PPARGC1B: variants seen among roughly 807,000 people sequenced by gnomAD.
PPARGC1B encodes the protein PPARG coactivator 1 beta.
PPARGC1B carries 34 observed loss-of-function variants against 101.6 expected under a neutral mutation model. The ratio of observed to expected loss-of-function variants is 0.33; its 90% CI spans 0.25 to 0.45. PPARGC1B has a LOEUF of 0.45. Among genes scored for constraint, PPARGC1B ranks in the 20% least tolerant of loss-of-function variants. PPARGC1B has a pLI of 1.00. For missense variants in PPARGC1B, 1,234 were observed against 1,317.6 expected (o/e 0.94, Z 0.98); for synonymous variants, 548 against 539.3 (o/e 1.02, Z -0.22).
chr5:149,830,691 G>A (rs1355156878), intron 3 of PPARGC1B, 76 bp from the exon 4 acceptor site: 3 of 1,081,696 alleles, frequency 2.8e-6, no homozygotes, highest in Non-Finnish European at 4.3e-6. Flanking sequence ...GGTCAGTCCT[G>A]AGGGGCTGGC....
chr5:149,761,202 A>C (rs1166155494), intron 1 of PPARGC1B, among the ~76,000 whole-genome samples: 1 of 152,220 alleles, frequency 6.6e-6, no homozygotes, highest in African/African-American at 2.4e-5. Context: ...CAATCAAGCT[A>C]ATTAACATAT....
chr5:149,847,308 C>T, intron 11 of PPARGC1B, 150 bp from the exon 12 acceptor site: 1 of 772,716 alleles, frequency 1.3e-6, no homozygotes, highest in Non-Finnish European at 2.4e-6. Context: ...AGGCAGTGCC[C>T]ACAGTCCAGC....
intron 1 of PPARGC1B, among the ~76,000 whole-genome samples, chr5:149,749,184 A>G (rs572138673): frequency 6.6e-6 from 1 of 152,334 alleles, no homozygotes; most frequent in Non-Finnish European, 1.5e-5. Context: ...TTAATGATGC[A>G]GATGATACTT....
At chr5:149,789,013 G>A (rs956419375) in intron 1 of PPARGC1B, among the ~76,000 whole-genome samples, 2 of 152,124 alleles carry the variant, frequency 1.3e-5, no homozygotes, top group Non-Finnish European at 2.9e-5. Flanking sequence ...CACCAACATG[G>A]CACATGTATA....
Position 149,847,520 on chromosome 5 carries a change from G to A in PPARGC1B, c.3034G>A (p.Asp1012Asn). Residue 1012 changes from aspartate (D) to asparagine (N), a missense_variant, in exon 12 of 12, where the codon GAC becomes AAC. Asp to Asn is a conservative substitution (Grantham distance 23). Transcript: ENST00000309241. ...AAGCAAGTATGAAGCCATGGATTTT[G>A]ACAGCTTACTGAAAGAGGCCCAGCA... ...GKSKYEAMDFDSLLKEAQQSL... is the reference protein window; with the variant it reads ...GKSKYEAMDFNSLLKEAQQSL... The A allele has an allele frequency of 6.2e-7, 1 of 1,614,166 alleles. No individual in the cohort carries two copies. Among genetic ancestry groups the A allele is most frequent in the South Asian group, 1.1e-5 (1 of 91,080 alleles).
intron 1 of PPARGC1B, among the ~76,000 whole-genome samples, chr5:149,796,240 A>C (rs1416343315): frequency 6.6e-6 from 1 of 152,134 alleles, no homozygotes; most frequent in African/African-American, 2.4e-5. Flanking sequence ...CTGTTGGAGG[A>C]GGTGACATTT....
At chr5:149,817,029 TCC>T (rs1196134882) in intron 1 of PPARGC1B, among the ~76,000 whole-genome samples, 1 of 152,090 alleles carries the variant, frequency 6.6e-6, no homozygotes, top group Non-Finnish European at 1.5e-5. Context: ...ATTTCCTCCA[TCC>T]CCCACCCCTG....
chr5:149,762,538 A>G (rs988191706), intron 1 of PPARGC1B, among the ~76,000 whole-genome samples: 2 of 152,140 alleles, frequency 1.3e-5, no homozygotes, highest in African/African-American at 4.8e-5. Context: ...CTCTCAGTGA[A>G]TCTATCTTGT....
At chr5:149,835,206 T>C (rs956644707) in intron 6 of PPARGC1B, 95 bp from the exon 7 acceptor site, 18 of 1,118,882 alleles carry the variant, frequency 1.6e-5, no homozygotes, top group Non-Finnish European at 2.2e-5. Context: ...AACCAGGGCC[T>C]GTCACAGCAC....
chr5:149,795,659 G>A (rs1345106637), intron 1 of PPARGC1B, among the ~76,000 whole-genome samples: 3 of 152,152 alleles, frequency 2.0e-5, no homozygotes, highest in Non-Finnish European at 4.4e-5. Flanking sequence ...GCAGGAGGGC[G>A]GCAGCTTCTG....
At position 149,842,318 on chromosome 5, in the gene PPARGC1B, G is replaced by T. The variant is rs772948298; in HGVS notation, c.2757G>T (p.Lys919Asn). The T allele has an allele frequency of 6.2e-7, 1 of 1,614,232 alleles. No individual in the cohort carries two copies. The highest frequency in any genetic ancestry group is 8.5e-7 in the Non-Finnish European group (1 of 1,180,044). Residue 919 changes from lysine (K) to asparagine (N), a missense_variant, in exon 10 of 12, where the codon AAG (lysine) becomes AAT (asparagine). By Grantham distance (94) the Lys-to-Asn change is moderately conservative. This residue lies in a region of PPARGC1B where 497 missense variants were observed against 529.5 expected (regional missense o/e 0.94). Transcript: ENST00000309241. ...LSSDMSSREL[K>N]RRFEVFGEIE... ...GCGACATGAGCTCCCGAGAGCTGAA[G>T]AGGCGCTTTGAAGTGTTTGGTGAGA...
At chr5:149,732,522 T>C (rs963390884) in intron 1 of PPARGC1B, among the ~76,000 whole-genome samples, 1 of 152,244 alleles carries the variant, frequency 6.6e-6, no homozygotes, top group African/African-American at 2.4e-5. Flanking sequence ...CTAAGGAAAC[T>C]AGAAAATTGA....
rs1759668874 is a variant in PPARGC1B, at chr5:149,848,746, C to G, written c.*1188C>G. The stretch of plus-strand genomic sequence containing the variant: ...GCGGTACAGACAGGTGGTCTGGGAG[C>G]AGTCATCTTTTTTGGGCCAGCCACC... On this transcript the variant is annotated 3_prime_UTR_variant, in exon 12 of 12. Transcript: ENST00000309241. 6.6e-6 allele frequency: 1 copy of G among 152,216 alleles called. No homozygotes were observed. Among genetic ancestry groups the G allele is most frequent in the Non-Finnish European group, 1.5e-5 (1 of 68,064 alleles). 9.4% of individuals were successfully genotyped at this position (152,216 alleles called of 1,614,324 possible).
At chr5:149,784,873 A>G (rs561533926) in intron 1 of PPARGC1B, among the ~76,000 whole-genome samples, 2 of 152,188 alleles carry the variant, frequency 1.3e-5, no homozygotes, top group East Asian at 3.9e-4. Flanking sequence ...GGTCCAGCCA[A>G]CTGAGTTTCT....
intron 1 of PPARGC1B, among the ~76,000 whole-genome samples, chr5:149,788,572 C>T (rs1756894663): frequency 6.6e-6 from 1 of 152,200 alleles, no homozygotes; most frequent in South Asian, 2.1e-4. Flanking sequence ...CATCCCATTA[C>T]TGGATATATG....
chr5:149,772,223 T>C (rs1392778020), intron 1 of PPARGC1B: 1 of 1,582,776 alleles, frequency 6.3e-7, no homozygotes, highest in Non-Finnish European at 8.6e-7. Context: ...GATTGTGACA[T>C]GCTGCCGGGA....
At chr5:149,807,012 T>C (rs558627903) in intron 1 of PPARGC1B, among the ~76,000 whole-genome samples, 1 of 151,904 alleles carries the variant, frequency 6.6e-6, no homozygotes, top group African/African-American at 2.4e-5. Context: ...GCTAGAGTAG[T>C]GCAGTGGTAC....
At position 149,840,090 on chromosome 5, in the gene PPARGC1B, G is replaced by A. The variant is rs150637009; in HGVS notation, c.2668G>A (p.Ala890Thr). Residue 890 changes from alanine (A) to threonine (T), a missense_variant, in exon 9 of 12, where the codon GCC becomes ACC. Ala to Thr is a moderately conservative substitution (Grantham distance 58). Coordinates refer to ENST00000309241, the MANE Select transcript of PPARGC1B (RefSeq NM_133263.4). ...AGACAGAACGCCAAGCATCCGGCAC[G>A]CCAGGAAGCGGCGGGAAAAGGCCAT... ...CSDRTPSIRH[A>T]RKRREKAIGE... The A allele has an allele frequency of 3.3e-3, 5,360 of 1,613,720 alleles. 97 individuals are homozygous for A. In the Admixed American group the frequency reaches 0.043, roughly 13 times the overall value.
intron 1 of PPARGC1B, among the ~76,000 whole-genome samples, chr5:149,748,123 G>A (rs1487932551): frequency 6.6e-6 from 1 of 152,114 alleles, no homozygotes; most frequent in Non-Finnish European, 1.5e-5. Context: ...TCCAGGTGAT[G>A]AGCACAGCCC....
Sources: gnomAD v4.1 joint callset for allele counts (sites outside exome capture counted in the v4.1 genomes callset) on GRCh38, gnomAD v4.1.1 for gene constraint, gnomAD v4.1.1 regional missense constraint, MANE v1.5 for transcripts, NCBI Gene and HGNC (gene_info 2026-07-23, HGNC 2026-07-21) for gene names.